FBXW4: variants seen among roughly 807,000 people sequenced by gnomAD.
The protein encoded by FBXW4 is F-box and WD repeat domain containing 4.
Under a neutral mutation model 61.8 loss-of-function variants are expected in FBXW4, and 40 were observed. That is an observed-to-expected ratio of 0.65 (90% CI 0.50 to 0.84). FBXW4 has a LOEUF of 0.84. Ranked by LOEUF, FBXW4 falls within the 40% of genes least tolerant of loss-of-function variation. FBXW4 has a pLI of 0.00. For missense variants in FBXW4, 672 were observed against 753.8 expected (o/e 0.89, Z 1.27); for synonymous variants, 311 against 313.8 (o/e 0.99, Z 0.10).
At chr10:101,647,947 G>A (rs1426870200) in intron 5 of FBXW4, among the ~76,000 whole-genome samples, 1 of 152,128 alleles carries the variant, frequency 6.6e-6, no homozygotes. Flanking sequence ...AAAGAGCTTA[G>A]ACCCTGATGA....
intron 5 of FBXW4, among the ~76,000 whole-genome samples, chr10:101,636,287 G>T (rs1302411215): frequency 6.6e-6 from 1 of 151,984 alleles, no homozygotes; most frequent in African/African-American, 2.4e-5. Context: ...AGGAGGCAAA[G>T]GTTGTGGTGA....
At chr10:101,664,278 A>T (rs2064274749) in intron 5 of FBXW4, among the ~76,000 whole-genome samples, 2 of 152,222 alleles carry the variant, frequency 1.3e-5, no homozygotes, top group South Asian at 4.1e-4. Context: ...GATAAATAAG[A>T]TTAATATATC....
chr10:101,659,953 A>C, intron 5 of FBXW4: 1 of 327,276 alleles, frequency 3.1e-6, no homozygotes, highest in Non-Finnish European at 4.4e-6. Context: ...AATAATCAAA[A>C]GGAGGAAGAT....
intron 5 of FBXW4, among the ~76,000 whole-genome samples, chr10:101,661,266 G>C (rs1277494385): frequency 6.6e-6 from 1 of 152,158 alleles, no homozygotes; most frequent in East Asian, 1.9e-4. Context: ...GGCCAGCCAG[G>C]GCTCGGAGAG....
chr10:101,633,064 C>G (rs2063971729), intron 5 of FBXW4, among the ~76,000 whole-genome samples: 1 of 152,180 alleles, frequency 6.6e-6, no homozygotes, highest in Non-Finnish European at 1.5e-5. Context: ...ATCATGTGAT[C>G]CAGAGTGAGT....
intron 5 of FBXW4, chr10:101,660,272 C>T: frequency 1.0e-6 from 1 of 967,278 alleles, no homozygotes. Flanking sequence ...CCGACTGCAA[C>T]ACAGATTAGG....
Position 101,694,668 on chromosome 10 carries a change from C to A in FBXW4, c.438G>T (p.Trp146Cys). 1 of 1,399,740 alleles carries A rather than the reference C, an allele frequency of 7.1e-7. No homozygotes were observed. The highest frequency in any genetic ancestry group is 9.2e-7 in the Non-Finnish European group (1 of 1,086,950). The allele number at this position is 1,399,740 out of a possible 1,614,324, so 86.7% of individuals were successfully genotyped here. A position where few individuals can be genotyped will look rare whatever the true frequency, so the allele number is the denominator to read the frequency against. Residue 146 changes from tryptophan (W) to cysteine (C), a missense_variant, in exon 1 of 9, where the codon TGG (tryptophan) becomes TGT (cysteine). By Grantham distance (215) the Trp-to-Cys change is radical. Around this residue, in one of 5 missense-constraint regions of FBXW4, gnomAD observed 311 missense variants for 301.1 expected, o/e 1.03. Transcript: ENST00000331272. The surrounding 1 kb of genome is among the most constrained non-coding windows in gnomAD (Gnocchi z 6.0). ...GRAQGRGGQA[W>C]ADIAGTGVAM... ...CCACCCCTGTCCCCGCGATGTCGGC[C>A]CAAGCCTGACCCCCTCGTCCCTGTG... is the stretch of plus-strand genomic sequence containing the variant.
At chr10:101,631,971 C>T (rs2063962485) in intron 5 of FBXW4, among the ~76,000 whole-genome samples, 1 of 152,294 alleles carries the variant, frequency 6.6e-6, no homozygotes, top group South Asian at 2.1e-4. Flanking sequence ...ACACTCCTGT[C>T]CATGACTCAG....
In FBXW4 at chr10:101,694,510, T is replaced by C; in HGVS notation, c.596A>G (p.Asp199Gly). ...ELLLLICSYLDMRALGRLAQV... is the reference protein window; with the variant it reads ...ELLLLICSYLGMRALGRLAQV... The stretch of plus-strand genomic sequence containing the variant: ...GGCCAGGCGGCCGAGGGCCCGCATG[T>C]CCAGGTAGGAGCAGATGAGCAGCAG... The change falls in exon 1 of 9, where the codon GAC becomes GGC. Residue 199 changes from aspartate to glycine, a missense_variant. Physicochemically the swap from Asp to Gly is moderately conservative, Grantham distance 94. Coordinates refer to ENST00000331272, the MANE Select transcript of FBXW4 (RefSeq NM_022039.4). The surrounding 1 kb of genome is among the most constrained non-coding windows in gnomAD (Gnocchi z 6.0). 1 of 1,518,562 alleles carries C rather than the reference T, an allele frequency of 6.6e-7. No individual in the cohort carries two copies. The highest frequency in any genetic ancestry group is 1.2e-5 in the South Asian group (1 of 81,686). 94.1% of individuals were successfully genotyped at this position (1,518,562 alleles called of 1,614,324 possible).
chr10:101,624,829 A>C lies in FBXW4; in HGVS notation c.1236-19T>G. On this transcript the variant is annotated intron_variant, in intron 5 of 8. Transcript: ENST00000331272. The stretch of plus-strand genomic sequence containing the variant: ...AAAAGAGCTGCCAAACAAAAGGAGA[A>C]CAAAGTCAGATCTGGCTTGTCAGAA... 6.2e-7 allele frequency: 1 copy of C among 1,614,158 alleles called. No individual in the cohort carries two copies.
intron 2 of FBXW4, 120 bp downstream of exon 2, chr10:101,676,221 G>T: frequency 1.6e-6 from 1 of 631,786 alleles, no homozygotes. Flanking sequence ...TTATTCAAAG[G>T]CTCACCAGTG....
At chr10:101,655,050 G>T (rs1269328901) in intron 5 of FBXW4, among the ~76,000 whole-genome samples, 3 of 152,092 alleles carry the variant, frequency 2.0e-5, no homozygotes, top group Non-Finnish European at 4.4e-5. Flanking sequence ...AGCTGGTCTT[G>T]AGCTCTTGGG....
At chr10:101,660,930 T>C (rs2064236665) in intron 5 of FBXW4, among the ~76,000 whole-genome samples, 1 of 152,182 alleles carries the variant, frequency 6.6e-6, no homozygotes, top group Admixed American at 6.5e-5. Flanking sequence ...CTGTTGTCTC[T>C]CTAGTGACCA....
chr10:101,636,357 CA>C (rs1298873409), intron 5 of FBXW4, among the ~76,000 whole-genome samples: 2 of 121,160 alleles, frequency 1.7e-5, no homozygotes, highest in East Asian at 2.5e-4. Context: ...GACTCCATCT[CA>C]AAAAAAGAAC....
At chr10:101,653,440 C>T (rs370920435) in intron 5 of FBXW4, among the ~76,000 whole-genome samples, 3 of 152,310 alleles carry the variant, frequency 2.0e-5, no homozygotes, top group African/African-American at 2.4e-5. Flanking sequence ...TCCCCTCCAG[C>T]GAGCCAGACT....
At chr10:101,615,779 C>T (rs2063822605) in intron 6 of FBXW4, among the ~76,000 whole-genome samples, 1 of 152,188 alleles carries the variant, frequency 6.6e-6, no homozygotes, top group Admixed American at 6.5e-5. Flanking sequence ...ACCTGGATAG[C>T]CCGCCAGGGA....
chr10:101,617,230 A>G (rs1199570224), intron 6 of FBXW4, among the ~76,000 whole-genome samples: 1 of 152,164 alleles, frequency 6.6e-6, no homozygotes, highest in Non-Finnish European at 1.5e-5. Context: ...ATGAAGGCGC[A>G]GGGGTCACGC....
At chr10:101,656,280 T>C (rs1046116708) in intron 5 of FBXW4, among the ~76,000 whole-genome samples, 8 of 152,110 alleles carry the variant, frequency 5.3e-5, no homozygotes, top group Non-Finnish European at 8.8e-5. Flanking sequence ...ACCCCATGCT[T>C]ATCCTATTGG....
At chr10:101,638,304 C>A (rs1298773079) in intron 5 of FBXW4, among the ~76,000 whole-genome samples, 1 of 152,098 alleles carries the variant, frequency 6.6e-6, no homozygotes, top group African/African-American at 2.4e-5. Flanking sequence ...GGTGCTCTGA[C>A]ATGAAAGGAC....
Sources: gnomAD v4.1 joint callset for allele counts (sites outside exome capture counted in the v4.1 genomes callset) on GRCh38, gnomAD v4.1.1 for gene constraint, gnomAD v4.1.1 regional missense constraint, Gnocchi (gnomAD v3.1) non-coding constraint, MANE v1.5 for transcripts, NCBI Gene and HGNC (gene_info 2026-07-23, HGNC 2026-07-21) for gene names.